Variants in SLCO1A2 observed in about 807,000 individuals in gnomAD.
SLCO1A2 encodes OATP-1.
SLCO1A2 carries 67 observed loss-of-function variants against 69.0 expected under a neutral mutation model. The ratio of observed to expected loss-of-function variants is 0.97; its 90% confidence interval spans 0.80 to 1.19. The LOEUF (loss-of-function observed/expected upper bound fraction) is 1.19, where lower values mean the gene tolerates loss of function less well. Ranked by LOEUF, SLCO1A2 falls within the 50% of genes most tolerant of loss-of-function variation. The probability of loss-of-function intolerance (pLI) is 0.00; values close to 1 mark genes in which losing one functional copy is unlikely to be tolerated. For synonymous variants in SLCO1A2, 260 were observed against 265.9 expected (o/e 0.98, Z 0.22); for missense variants, 787 against 793.7 (o/e 0.99, Z 0.10).
chr12:21,275,628 A>G (rs1023719744), intron 12 of SLCO1A2, among the ~76,000 whole-genome samples: 1 of 152,080 alleles, frequency 6.6e-6, no homozygotes, highest in Non-Finnish European at 1.5e-5. Context: ...CACTTTACTC[A>G]TCACTTTTTC....
chr12:21,396,600 A>G (rs1941469411), upstream of SLCO1A2, among the ~76,000 whole-genome samples: 1 of 151,976 alleles, frequency 6.6e-6, no homozygotes, highest in Non-Finnish European at 1.5e-5. Context: ...ATGAAGGAAA[A>G]AATGTTAAGG....
Position 21,351,416 on chromosome 12 carries a change from A to G in SLCO1A2, c.-62-16707T>C, listed in dbSNP as rs116880996. 1.4e-3 allele frequency among the ~76,000 whole-genome samples: 213 copies of G among 152,316 alleles called. 1 individual carries two copies. The highest frequency in any genetic ancestry group is 2.3e-3 in the Non-Finnish European group (155 of 68,016). ...GCTCAAGAAAGTTCAAATTACCTCC[A>G]GGAGCATCATACATTTGGTGCCTTG... is the stretch of plus-strand genomic sequence containing the variant. On this transcript the variant is annotated intron_variant, in intron 2 of 15. Transcript: ENST00000307378.
At chr12:21,409,301 A>G (rs954918545) in intron 1 of SLCO1A2, among the ~76,000 whole-genome samples, 5 of 152,294 alleles carry the variant, frequency 3.3e-5, no homozygotes, top group African/African-American at 7.2e-5. Flanking sequence ...TTCCGCCTCT[A>G]TAAGATACAA....
rs1035755589 is a variant in SLCO1A2 at position 21,323,243 on chromosome 12, T to C, written c.61-4320A>G. On this transcript the variant is annotated intron_variant, in intron 2 of 14. Coordinates refer to ENST00000683939, the MANE Select transcript of SLCO1A2 (RefSeq NM_001386879.1). ...CAATTAGCTACACAAAACATAAGCA[T>C]TGCTCTGAAAAATAATTTTTTAATA... is the stretch of plus-strand genomic sequence containing the variant. Among the ~76,000 whole-genome samples the C allele has an allele frequency of 5.3e-5, 8 of 152,306 alleles. No individual in the cohort carries two copies. The East Asian group carries it at 1.3e-3, about 26-fold the overall frequency.
intron 1 of SLCO1A2, among the ~76,000 whole-genome samples, chr12:21,382,894 C>A (rs1367440037): frequency 6.6e-6 from 1 of 151,846 alleles, no homozygotes; most frequent in Non-Finnish European, 1.5e-5. Flanking sequence ...AGGATTGAAA[C>A]TCAGGTATAT....
In SLCO1A2 at chr12:21,323,745, G is replaced by A. The variant is rs571382243; in HGVS notation, c.61-4822C>T. On this transcript the variant is annotated intron_variant, in intron 2 of 14. Transcript: ENST00000683939. Reference sequence around the variant, plus strand: ...GCATGACATTCTTCATGGTTGGGCTGGATGAAAAGATGCCTCATAATAGCT... The same window carrying A: ...GCATGACATTCTTCATGGTTGGGCTAGATGAAAAGATGCCTCATAATAGCT... Among the ~76,000 whole-genome samples the A allele has an allele frequency of 5.3e-5, 8 of 152,226 alleles. No homozygotes were observed. The South Asian group carries it at 1.7e-3, about 32-fold the overall frequency.
At chr12:21,305,843 T>C (rs1184334764) in intron 5 of SLCO1A2, among the ~76,000 whole-genome samples, 2 of 152,248 alleles carry the variant, frequency 1.3e-5, no homozygotes, top group Non-Finnish European at 2.9e-5. Flanking sequence ...ATTCCCACCC[T>C]TGTGGACTAC....
chr12:21,377,974 A>G (rs2137112610), intron 1 of SLCO1A2, among the ~76,000 whole-genome samples: 1 of 152,304 alleles, frequency 6.6e-6, no homozygotes, highest in East Asian at 1.9e-4. Flanking sequence ...TATATGTAAT[A>G]TATTCTGAAT....
chr12:21,320,229 AAGTTAACTCACAACCTT>A (rs1951430887), intron 2 of SLCO1A2, among the ~76,000 whole-genome samples: 1 of 152,104 alleles, frequency 6.6e-6, no homozygotes, highest in African/African-American at 2.4e-5. Flanking sequence ...TATTCCTTTC[AAGTTAACTCACAACCTT>A]TTCTGTTTCT....
chr12:21,303,459 C>A (rs1211184123), intron 6 of SLCO1A2, among the ~76,000 whole-genome samples: 1 of 152,084 alleles, frequency 6.6e-6, no homozygotes, highest in Non-Finnish European at 1.5e-5. Context: ...GGTTAATGAT[C>A]CCTCAATATT....
chr12:21,320,448 A>G (rs1360675128), intron 2 of SLCO1A2, among the ~76,000 whole-genome samples: 1 of 151,982 alleles, frequency 6.6e-6, no homozygotes, highest in African/African-American at 2.4e-5. Flanking sequence ...TCGAGATTCT[A>G]ATTCATCCGT....
chr12:21,395,817 C>T (rs1941430225), upstream of SLCO1A2, among the ~76,000 whole-genome samples: 1 of 152,150 alleles, frequency 6.6e-6, no homozygotes, highest in Non-Finnish European at 1.5e-5. Context: ...AGGGTCCTCT[C>T]TGTTGGAAGG....
chr12:21,329,038 G>T (rs1421331107), intron 2 of SLCO1A2, among the ~76,000 whole-genome samples: 1 of 152,124 alleles, frequency 6.6e-6, no homozygotes, highest in African/African-American at 2.4e-5. Flanking sequence ...AGTCAGTTAG[G>T]CAGGTTGTTC....
At chr12:21,396,447 T>C (rs1199230512), upstream of SLCO1A2, among the ~76,000 whole-genome samples, 2 of 149,170 alleles carry the variant, frequency 1.3e-5, no homozygotes, top group South Asian at 2.2e-4. Context: ...GAAAACACTC[T>C]GCAGGATATT....
At chr12:21,394,155 G>T (rs1339067980) in intron 1 of SLCO1A2, among the ~76,000 whole-genome samples, 1 of 152,098 alleles carries the variant, frequency 6.6e-6, no homozygotes, top group Non-Finnish European at 1.5e-5. Context: ...AGAAACACGG[G>T]CCCATGAACA....
intron 1 of SLCO1A2, among the ~76,000 whole-genome samples, chr12:21,393,533 G>A (rs568896751): frequency 6.6e-6 from 1 of 152,182 alleles, no homozygotes; most frequent in African/African-American, 2.4e-5. Flanking sequence ...AGACCAGCCG[G>A]ATTAAAAATT....
chr12:21,337,433 T>C (rs1952930219), upstream of SLCO1A2, among the ~76,000 whole-genome samples: 1 of 152,000 alleles, frequency 6.6e-6, no homozygotes, highest in Non-Finnish European at 1.5e-5. Context: ...AATTTTACAT[T>C]ATTCTCTACT....
chr12:21,417,365 G>A (rs1942004658), intron 1 of SLCO1A2, among the ~76,000 whole-genome samples: 1 of 150,358 alleles, frequency 6.7e-6, no homozygotes, highest in African/African-American at 2.5e-5. Flanking sequence ...GAATAGATGG[G>A]GAAGTATGTT....
At chr12:21,378,218 A>C (rs970215144) in intron 1 of SLCO1A2, 1 of 1,612,726 alleles carries the variant, frequency 6.2e-7, no homozygotes, top group African/African-American at 1.3e-5. Flanking sequence ...AACTTTTCAC[A>C]TTTGTTCCAT....
Sources: allele counts gnomAD v4.1 joint callset (sites outside exome capture counted in the v4.1 genomes callset), GRCh38; gene constraint gnomAD v4.1.1; transcripts MANE v1.5; gene names NCBI Gene and HGNC (gene_info 2026-07-23, HGNC 2026-07-21).